SYNE3: variants seen among roughly 807,000 people sequenced by gnomAD.
SYNE3 encodes nesprin-3.
A neutral mutation model predicts 111.2 loss-of-function variants in SYNE3; 100 were observed. That is an observed-to-expected ratio of 0.90 (90% confidence interval 0.77 to 1.06). The LOEUF (loss-of-function observed/expected upper bound fraction) is 1.06, where lower values mean the gene tolerates loss of function less well. SYNE3 is among the 50% of genes least tolerant of loss of function. The pLI, the probability that SYNE3 is intolerant of heterozygous loss-of-function variation, is 0.00. For missense variants in SYNE3, 1,160 were observed against 1,240.3 expected, an observed-to-expected ratio of 0.94 and a Z score of 0.97; for synonymous variants, 547 against 533.9, an observed-to-expected ratio of 1.02 and a Z score of -0.34.
chr14:95,458,816 A>G (rs954452556), intron 4 of SYNE3, among the ~76,000 whole-genome samples: 5 of 152,230 alleles, frequency 3.3e-5, no homozygotes, highest in Non-Finnish European at 7.3e-5. Context: ...AGTGTTTGCC[A>G]TCAGAGGAAA....
At position 95,413,785 on chromosome 14, in the gene SYNE3, A is replaced by G. The variant is rs1284598574; in HGVS notation, c.*4041T>C. 1 of 151,994 alleles carries G rather than the reference A, an allele frequency of 6.6e-6. No individual in the cohort carries two copies. Among genetic ancestry groups the G allele is most frequent in the African/African-American group, 2.4e-5 (1 of 41,360 alleles). 9.4% of individuals were successfully genotyped at this position (151,994 alleles called of 1,614,324 possible). On this transcript the variant is annotated 3_prime_UTR_variant, in exon 18 of 18. Transcript: ENST00000682763. The stretch of plus-strand genomic sequence containing the variant: ...ATGGAATTGGGTCAGGTCATCCTTG[A>G]CCCATTTCCTCTGGAAGGGAGTCGG...
At chr14:95,479,163 T>G (rs905664903) in intron 1 of SYNE3, among the ~76,000 whole-genome samples, 39 of 140,004 alleles carry the variant, frequency 2.8e-4, no homozygotes, top group African/African-American at 1.0e-3. Context: ...GGGAGGCTGA[T>G]ACGGGAGGAT....
At chr14:95,510,216 A>G (rs2139615645) in intron 1 of SYNE3, among the ~76,000 whole-genome samples, 1 of 152,222 alleles carries the variant, frequency 6.6e-6, no homozygotes, top group South Asian at 2.1e-4. Context: ...GGTATCACCA[A>G]CCCTGTTAGA....
chr14:95,475,794 C>A lies in SYNE3; in HGVS notation c.28G>T (p.Asp10Tyr). The A allele has an allele frequency of 1.9e-6, 3 of 1,587,598 alleles. No individual in the cohort carries two copies. The highest frequency in any genetic ancestry group is 1.2e-5 in the South Asian group (1 of 86,696). Reference protein sequence around the residue: MTQQPQDDFDRSVEDAQAWM... With the variant: MTQQPQDDFYRSVEDAQAWM... ...GCCTGGGCATCCTCCACGCTCCTGT[C>A]AAAGTCGTCCTGGGGCTGCTGAGTC... Residue 10 changes from aspartate (D) to tyrosine (Y), a missense_variant, in exon 2 of 18, where the codon GAC becomes TAC. By Grantham distance (160) the Asp-to-Tyr change is radical. Coordinates refer to ENST00000682763, the MANE Select transcript of SYNE3 (RefSeq NM_152592.6).
intron 1 of SYNE3, 135 bp from the exon 2 acceptor site, chr14:95,475,970 C>T: frequency 1.2e-6 from 1 of 813,678 alleles, no homozygotes; most frequent in Non-Finnish European, 1.7e-6. Flanking sequence ...GCAATATGGC[C>T]AGAGGTGAGC....
chr14:95,500,440 T>TCC lies in SYNE3; in HGVS notation c.-15+16154_-15+16155dup, dbSNP rs1299245372. Among the ~76,000 whole-genome samples, 1 of 152,130 alleles carries TCC rather than the reference T, an allele frequency of 6.6e-6. No homozygotes were observed. The highest frequency in any genetic ancestry group is 1.9e-4 in the East Asian group (1 of 5,190). On this transcript the variant is annotated intron_variant, in intron 1 of 17. Transcript: ENST00000682763. The surrounding 1 kb of genome is among the most constrained non-coding windows in gnomAD (Gnocchi z 4.7). ...GTGATACCTTGCAGACGCGTAGGTG[T>TCC]CCTCTTGAGTCCCCAGACCTCAGCA...
chr14:95,465,639 G>T (rs1888115104), intron 4 of SYNE3, among the ~76,000 whole-genome samples: 1 of 152,074 alleles, frequency 6.6e-6, no homozygotes, highest in Non-Finnish European at 1.5e-5. Context: ...ATGGGTGGGA[G>T]AATACATGGA....
chr14:95,439,064 G>C lies in SYNE3; in HGVS notation c.2345C>G (p.Pro782Arg), dbSNP rs555821802. Residue 782 changes from proline (P) to arginine (R), a missense_variant, in exon 14 of 18, where the codon CCC becomes CGC. Coordinates refer to ENST00000682763, the MANE Select transcript of SYNE3 (RefSeq NM_152592.6). The part of the protein sequence containing the change: ...NIPKSGFLIN[P>R]MDPIPRHRRR... ...ACGATGCCTGGGAATAGGATCCATG[G>C]GATTGATGAGAAATCCTGACTTTGG... 5.6e-6 allele frequency: 9 copies of C among 1,614,094 alleles called. No individual in the cohort carries two copies. Among genetic ancestry groups the C allele is most frequent in the Non-Finnish European group, 7.6e-6 (9 of 1,180,046 alleles).
At chr14:95,440,726 G>A (rs6575511) in intron 11 of SYNE3, among the ~76,000 whole-genome samples, 78,245 of 152,064 alleles carry the variant, frequency 0.51, 20,694 homozygotes, top group East Asian at 0.81. Context: ...CATCAGGCAA[G>A]CCCAAGCTAT....
chr14:95,477,753 T>C (rs1444006287), intron 1 of SYNE3, among the ~76,000 whole-genome samples: 1 of 152,244 alleles, frequency 6.6e-6, no homozygotes, highest in Admixed American at 6.5e-5. Context: ...TTGACTTTTT[T>C]TGTAACAACT....
chr14:95,420,023 G>A (rs141915861), intron 17 of SYNE3, among the ~76,000 whole-genome samples: 174 of 120,700 alleles, frequency 1.4e-3, no homozygotes, highest in African/African-American at 5.1e-3. Flanking sequence ...GTCAACTCAT[G>A]TATTCCCCTG....
At chr14:95,480,664 T>C (rs907230429) in intron 1 of SYNE3, among the ~76,000 whole-genome samples, 2 of 152,204 alleles carry the variant, frequency 1.3e-5, no homozygotes, top group East Asian at 1.9e-4. Context: ...ACACCTTAAT[T>C]TGAGTCATAA....
intron 17 of SYNE3, 126 bp downstream of exon 17, chr14:95,431,953 T>A: frequency 2.7e-6 from 3 of 1,107,908 alleles, no homozygotes; most frequent in Non-Finnish European, 3.9e-6. Flanking sequence ...TGATCCCCCA[T>A]AAATGTTCTT....
intron 7 of SYNE3, chr14:95,451,065 TGA>T (rs1887044706): frequency 6.6e-6 from 1 of 152,180 alleles, no homozygotes; most frequent in African/African-American, 2.4e-5. Context: ...GCTACAAAAC[TGA>T]GTTAGGGTTT....
chr14:95,418,090 G>T (rs1884853037), intron 17 of SYNE3, 64 bp from the exon 18 acceptor site: 2 of 1,569,924 alleles, frequency 1.3e-6, no homozygotes, highest in African/African-American at 1.3e-5. Context: ...GGCAGGTTCA[G>T]GGGGCGAGGA....
chr14:95,444,679 C>G, intron 9 of SYNE3, 51 bp from the exon 10 acceptor site: 2 of 1,511,940 alleles, frequency 1.3e-6, no homozygotes, highest in South Asian at 1.3e-5. Context: ...TCATGAGCAC[C>G]GTGTTGTGAG....
At position 95,452,376 on chromosome 14, in the gene SYNE3, C is replaced by A; in HGVS notation, c.1145G>T (p.Arg382Leu). Reference sequence around the variant, plus strand: ...GGGCTCCTCCGAGGCCAGCGCCGCCCGTGTTGCCTGCAGCACATGACGACA... The same window carrying A: ...GGGCTCCTCCGAGGCCAGCGCCGCCAGTGTTGCCTGCAGCACATGACGACA... ...VAHWRRYSAT[R>L]AALASEEPRV... The change falls in exon 7 of 18, where the codon CGG (arginine) becomes CTG (leucine). Residue 382 changes from arginine to leucine, a missense_variant. By Grantham distance (102) the Arg-to-Leu change is moderately radical. Coordinates refer to ENST00000682763, the MANE Select transcript of SYNE3 (RefSeq NM_152592.6). 1 of 1,608,760 alleles carries A rather than the reference C, an allele frequency of 6.2e-7. No individual in the cohort carries two copies. Among genetic ancestry groups the A allele is most frequent in the Non-Finnish European group, 8.5e-7 (1 of 1,178,190 alleles).
intron 16 of SYNE3, 104 bp from the exon 17 acceptor site, chr14:95,432,221 G>A (rs897644655): frequency 2.2e-6 from 3 of 1,377,794 alleles, no homozygotes; most frequent in Non-Finnish European, 3.0e-6. Context: ...TTTTGTCAGG[G>A]GAGTGTTTCT....
chr14:95,478,462 C>G (rs746993761), intron 1 of SYNE3, among the ~76,000 whole-genome samples: 38 of 152,298 alleles, frequency 2.5e-4, no homozygotes, highest in Non-Finnish European at 5.1e-4. Flanking sequence ...TGCCCTGGGA[C>G]TACCAGACTG....
Sources: gnomAD v4.1 joint callset for allele counts (sites outside exome capture counted in the v4.1 genomes callset) on GRCh38, gnomAD v4.1.1 for gene constraint, Gnocchi (gnomAD v3.1) non-coding constraint, MANE v1.5 for transcripts, NCBI Gene and HGNC (gene_info 2026-07-23, HGNC 2026-07-21) for gene names.